Variants in ANKRD13C observed in about 807,000 individuals in gnomAD.
The protein encoded by ANKRD13C is ankyrin repeat domain-containing protein 13C.
Under a neutral mutation model 65.5 loss-of-function variants are expected in ANKRD13C, and 16 were observed. The ratio of observed to expected loss-of-function variants is 0.24; its 90% CI spans 0.17 to 0.37. ANKRD13C has a LOEUF of 0.37. Among genes scored for constraint, ANKRD13C ranks in the 10% least tolerant of loss-of-function variants. The pLI is 1.00. For missense variants in ANKRD13C, 503 were observed against 655.9 expected (o/e 0.77, Z 2.55); for synonymous variants, 235 against 238.7 (o/e 0.98, Z 0.14).
intron 9 of ANKRD13C, among the ~76,000 whole-genome samples, chr1:70,283,121 CTAGTTT>C (rs1325612738): frequency 6.6e-6 from 1 of 152,020 alleles, no homozygotes; most frequent in Non-Finnish European, 1.5e-5. Context: ...AAATGTCTTT[CTAGTTT>C]AAGTTTAAAT....
At chr1:70,336,009 G>C in intron 2 of ANKRD13C, 49 bp downstream of exon 2, 1 of 576,740 alleles carries the variant, frequency 1.7e-6, no homozygotes, top group Non-Finnish European at 2.7e-6. Flanking sequence ...ATTTTAAACT[G>C]ACTATATATA....
At chr1:70,306,144 G>A in intron 6 of ANKRD13C, 80 bp downstream of exon 6, 2 of 969,696 alleles carry the variant, frequency 2.1e-6, no homozygotes, top group Non-Finnish European at 3.0e-6. Flanking sequence ...TAAAACACAT[G>A]TAAGTTATGA....
At chr1:70,344,515 T>C (rs1416780364) in intron 1 of ANKRD13C, among the ~76,000 whole-genome samples, 3 of 152,086 alleles carry the variant, frequency 2.0e-5, no homozygotes, top group Non-Finnish European at 2.9e-5. Flanking sequence ...TGGCATTTAA[T>C]GGGTATCTAT....
intron 3 of ANKRD13C, among the ~76,000 whole-genome samples, chr1:70,317,401 G>A (rs557692213): frequency 8.5e-5 from 13 of 152,102 alleles, no homozygotes; most frequent in African/African-American, 2.6e-4. Context: ...ACTAGAATGA[G>A]TTTTTTCTTA....
intron 1 of ANKRD13C, among the ~76,000 whole-genome samples, chr1:70,348,633 G>A (rs1012544467): frequency 3.3e-5 from 5 of 152,166 alleles, no homozygotes; most frequent in Admixed American, 2.0e-4. Flanking sequence ...AAATCTGCCA[G>A]CCATGAGGCA....
At position 70,276,765 on chromosome 1, in the gene ANKRD13C, T is replaced by A. The variant is rs1679153583; in HGVS notation, c.1295A>T (p.Lys432Ile). 6.3e-7 allele frequency: 1 copy of A among 1,590,102 alleles called. No homozygotes were observed. Among genetic ancestry groups the A allele is most frequent in the African/African-American group, 1.4e-5 (1 of 73,326 alleles). The change falls in exon 10 of 13, where the codon AAA (lysine) becomes ATA (isoleucine). Residue 432 changes from lysine to isoleucine, a missense_variant and splice_region_variant. Transcript: ENST00000370944. ...ACACATAAACAAGAAAAAAACTTAC[T>A]TTCCATTTTCAGCAGATATATATTC... Reference protein sequence around the residue: ...WEEYISAENGKAPHLGRELVC... With the variant: ...WEEYISAENGIAPHLGRELVC...
At chr1:70,331,826 A>C (rs1348665343) in intron 2 of ANKRD13C, among the ~76,000 whole-genome samples, 1 of 128,614 alleles carries the variant, frequency 7.8e-6, no homozygotes, top group Non-Finnish European at 1.8e-5. Flanking sequence ...GACTCAAAAA[A>C]AAAAAAAAAA....
At chr1:70,315,965 C>G (rs568945451) in intron 3 of ANKRD13C, among the ~76,000 whole-genome samples, 1 of 152,248 alleles carries the variant, frequency 6.6e-6, no homozygotes, top group South Asian at 2.1e-4. Flanking sequence ...AACGATTTAC[C>G]TAACTGTGCC....
chr1:70,353,796 C>G (rs546467365), intron 1 of ANKRD13C, among the ~76,000 whole-genome samples, 183 bp downstream of exon 1: 2 of 152,166 alleles, frequency 1.3e-5, no homozygotes, highest in South Asian at 4.1e-4. Context: ...TCCTTTGCAC[C>G]CACAAGAACC....
At chr1:70,289,274 C>T (rs958162194) in intron 9 of ANKRD13C, among the ~76,000 whole-genome samples, 3 of 152,156 alleles carry the variant, frequency 2.0e-5, no homozygotes, top group Admixed American at 1.3e-4. Context: ...GCTTAAAATG[C>T]TACTTAAAGA....
At chr1:70,274,004 G>A (rs993101055) in intron 11 of ANKRD13C, among the ~76,000 whole-genome samples, 3 of 151,890 alleles carry the variant, frequency 2.0e-5, no homozygotes, top group South Asian at 2.1e-4. Context: ...AGAAGAAAAC[G>A]TGAACCATTC....
chr1:70,352,125 G>A (rs1036862651), intron 1 of ANKRD13C, among the ~76,000 whole-genome samples: 38 of 151,946 alleles, frequency 2.5e-4, no homozygotes, highest in African/African-American at 8.0e-4. Context: ...AGATCACGAG[G>A]TCAGGAGATG....
At chr1:70,293,724 G>A (rs1046298085) in intron 8 of ANKRD13C, 1 of 172,978 alleles carries the variant, frequency 5.8e-6, no homozygotes, top group Non-Finnish European at 1.1e-5. Flanking sequence ...ATTAGGCTTA[G>A]AGAGGAAAAT....
chr1:70,262,869 T>C (rs2101086038), intron 12 of ANKRD13C, 22 bp from the exon 13 acceptor site: 1 of 1,588,578 alleles, frequency 6.3e-7, no homozygotes, highest in Non-Finnish European at 8.6e-7. Context: ...ACATCAATGA[T>C]AGCATTGTAA....
chr1:70,339,339 CAG>C (rs1387601752), intron 1 of ANKRD13C, among the ~76,000 whole-genome samples: 4 of 126,662 alleles, frequency 3.2e-5, no homozygotes, highest in Non-Finnish European at 6.4e-5. Context: ...TTTTTTGAGA[CAG>C]AGTCTCCCTC....
At chr1:70,267,648 T>C (rs1478570107) in intron 12 of ANKRD13C, among the ~76,000 whole-genome samples, 1 of 152,242 alleles carries the variant, frequency 6.6e-6, no homozygotes, top group African/African-American at 2.4e-5. Flanking sequence ...GTCTGCTATT[T>C]TATTTTTTGT....
intron 3 of ANKRD13C, among the ~76,000 whole-genome samples, chr1:70,323,539 A>G (rs1319782185): frequency 6.6e-6 from 1 of 151,764 alleles, no homozygotes; most frequent in African/African-American, 2.4e-5. Flanking sequence ...GCTACTTGGG[A>G]GGCTGAGGCA....
intron 12 of ANKRD13C, among the ~76,000 whole-genome samples, chr1:70,269,926 G>A (rs1678804149): frequency 6.6e-6 from 1 of 152,146 alleles, no homozygotes; most frequent in East Asian, 1.9e-4. Context: ...TGGTTGAATT[G>A]ATGGATAGTG....
At chr1:70,339,884 C>CT (rs1682234277) in intron 1 of ANKRD13C, among the ~76,000 whole-genome samples, 1 of 147,930 alleles carries the variant, frequency 6.8e-6, no homozygotes, top group Admixed American at 6.8e-5. Flanking sequence ...GGGTCTTGCT[C>CT]TGTCACCCAG....
Sources: gnomAD v4.1 joint callset for allele counts (sites outside exome capture counted in the v4.1 genomes callset) on GRCh38, gnomAD v4.1.1 for gene constraint, MANE v1.5 for transcripts, NCBI Gene and HGNC (gene_info 2026-07-23, HGNC 2026-07-21) for gene names.